The following CSMD2 variants were observed in gnomAD, a reference collection of about 807,000 sequenced individuals.
CSMD2 encodes CUB and Sushi multiple domains 2.
A neutral mutation model predicts 398.5 loss-of-function variants in CSMD2; 130 were observed. The ratio of observed to expected loss-of-function variants is 0.33; its 90% CI spans 0.28 to 0.38. The LOEUF is 0.38. CSMD2 is among the 10% of genes least tolerant of loss of function. CSMD2 has a pLI of 1.00. For missense variants in CSMD2, 3,829 were observed against 4,764.9 expected (o/e 0.80, Z 5.78); for synonymous variants, 1,828 against 1,908.5 (o/e 0.96, Z 1.10).
At chr1:33,552,683 C>G (rs1657570882) in intron 55 of CSMD2, among the ~76,000 whole-genome samples, 1 of 152,006 alleles carries the variant, frequency 6.6e-6, no homozygotes, top group African/African-American at 2.4e-5. Flanking sequence ...TAGCCAGACA[C>G]AAAAGACACA....
intron 47 of CSMD2, among the ~76,000 whole-genome samples, chr1:33,582,443 T>C (rs780598956): frequency 6.6e-6 from 1 of 152,158 alleles, no homozygotes; most frequent in Non-Finnish European, 1.5e-5. Context: ...AGCAGAAAGG[T>C]GCAATCCTTT....
intron 29 of CSMD2, among the ~76,000 whole-genome samples, chr1:33,646,376 G>T (rs908257146): frequency 4.6e-5 from 7 of 152,194 alleles, no homozygotes; most frequent in African/African-American, 1.7e-4. Flanking sequence ...GACCCTCATA[G>T]AAAAAGAGAA....
At chr1:33,607,078 C>T (rs76393060) in intron 41 of CSMD2, among the ~76,000 whole-genome samples, 7,180 of 152,184 alleles carry the variant, frequency 0.047, 239 homozygotes, top group South Asian at 0.13. Context: ...AAGCAAAATG[C>T]CATTATTTTA....
At chr1:33,892,108 AATTT>A (rs1642065322) in intron 5 of CSMD2, among the ~76,000 whole-genome samples, 1 of 151,208 alleles carries the variant, frequency 6.6e-6, no homozygotes, top group Non-Finnish European at 1.5e-5. Flanking sequence ...AAAAAATGGA[AATTT>A]ATTTTTTGTC....
chr1:33,621,500 C>T (rs1208657780), intron 37 of CSMD2, among the ~76,000 whole-genome samples: 1 of 152,144 alleles, frequency 6.6e-6, no homozygotes, highest in Non-Finnish European at 1.5e-5. Flanking sequence ...AGCACAGTGC[C>T]TGGCATGTTG....
At chr1:33,885,644 T>C (rs557030103) in intron 5 of CSMD2, among the ~76,000 whole-genome samples, 42 of 152,136 alleles carry the variant, frequency 2.8e-4, no homozygotes, top group Non-Finnish European at 1.2e-4. Context: ...CTGGAGCACT[T>C]AGGAGAAGAA....
chr1:34,092,760 C>G (rs1457187042), intron 1 of CSMD2, among the ~76,000 whole-genome samples: 1 of 152,202 alleles, frequency 6.6e-6, no homozygotes, highest in East Asian at 1.9e-4. Context: ...AGGGTCCTAC[C>G]CCACGGAGTC....
At chr1:34,103,359 T>C (rs1027074053) in intron 1 of CSMD2, among the ~76,000 whole-genome samples, 3 of 141,292 alleles carry the variant, frequency 2.1e-5, no homozygotes, top group Admixed American at 7.5e-5. Context: ...AGTGCAGTGG[T>C]GCGATCTCGG....
chr1:33,739,429 A>C, intron 14 of CSMD2, 95 bp from the exon 15 acceptor site: 1 of 1,190,436 alleles, frequency 8.4e-7, no homozygotes, highest in Non-Finnish European at 1.2e-6. Context: ...GAAACCCTAG[A>C]ACTCCACCAC....
chr1:33,545,907 AGCCAGGCT>A, intron 57 of CSMD2, 122 bp downstream of exon 57: 1 of 768,634 alleles, frequency 1.3e-6, no homozygotes, highest in Non-Finnish European at 2.1e-6. Context: ...CAGTCCTATC[AGCCAGGCT>A]GAGGGTTCAA....
At chr1:34,069,564 G>A (rs751573979) in intron 2 of CSMD2, among the ~76,000 whole-genome samples, 10 of 152,178 alleles carry the variant, frequency 6.6e-5, no homozygotes, top group Admixed American at 1.3e-4. Flanking sequence ...AACCCCAGGA[G>A]TGCCTGACTT....
chr1:33,693,016 C>T lies in CSMD2; in HGVS notation c.3966G>A (p.Gln1322=). Residue 1322 remains glutamine (Q), a synonymous_variant, in exon 25 of 71, where the codon CAG becomes CAA. Transcript: ENST00000373381. ...GAGCTGGATACCCGGGTGACAGCAC[C>T]TGCCCCGACACCTCTCCTCTCACTG... The part of the protein sequence containing the change: ...GGTVRGEVSG[Q]VLSPGYPAPY... 1 of 1,604,452 alleles carries T rather than the reference C, an allele frequency of 6.2e-7. No individual in the cohort carries two copies. Among genetic ancestry groups the T allele is most frequent in the Non-Finnish European group, 8.5e-7 (1 of 1,175,916 alleles).
chr1:33,671,765 A>T (rs1196235215), intron 25 of CSMD2, among the ~76,000 whole-genome samples: 1 of 152,130 alleles, frequency 6.6e-6, no homozygotes, highest in Non-Finnish European at 1.5e-5. Flanking sequence ...TAAATCTAAG[A>T]AGCTGGGAGG....
intron 17 of CSMD2, among the ~76,000 whole-genome samples, chr1:33,725,107 T>C (rs563823830): frequency 1.3e-5 from 2 of 152,328 alleles, no homozygotes; most frequent in South Asian, 4.1e-4. Flanking sequence ...CCCAATCACC[T>C]GCCAGGAGGT....
chr1:34,115,146 A>T (rs543455461), intron 1 of CSMD2, among the ~76,000 whole-genome samples: 1 of 152,292 alleles, frequency 6.6e-6, no homozygotes, highest in Admixed American at 6.5e-5. Flanking sequence ...TGAAAGTCTT[A>T]GAAGGAGAAA....
chr1:33,793,622 T>C (rs914124927), intron 10 of CSMD2, among the ~76,000 whole-genome samples: 2 of 152,194 alleles, frequency 1.3e-5, no homozygotes, highest in African/African-American at 4.8e-5. Context: ...GAGTTTTAAA[T>C]AGTGGGTGAC....
chr1:34,017,777 T>TG (rs1648330306), intron 3 of CSMD2, among the ~76,000 whole-genome samples: 1 of 152,172 alleles, frequency 6.6e-6, no homozygotes, highest in Non-Finnish European at 1.5e-5. Context: ...ACCTTGCTAC[T>TG]GATCAATGCT....
At chr1:33,676,746 T>G (rs1472386137) in intron 25 of CSMD2, among the ~76,000 whole-genome samples, 1 of 152,216 alleles carries the variant, frequency 6.6e-6, no homozygotes, top group African/African-American at 2.4e-5. Context: ...AGCATGGTAC[T>G]GGTACCAAAA....
chr1:33,562,364 T>C (rs780901306), intron 53 of CSMD2, among the ~76,000 whole-genome samples: 4 of 152,216 alleles, frequency 2.6e-5, no homozygotes, highest in Non-Finnish European at 5.9e-5. Context: ...CCAGGCTTTC[T>C]GGCTGCTTGG....
Sources: gnomAD v4.1 joint callset for allele counts (sites outside exome capture counted in the v4.1 genomes callset) on GRCh38, gnomAD v4.1.1 for gene constraint, MANE v1.5 for transcripts, NCBI Gene and HGNC (gene_info 2026-07-23, HGNC 2026-07-21) for gene names.